Variants in WDR59 observed in about 807,000 individuals in gnomAD.
WDR59 encodes the protein GATOR2 complex protein WDR59.
A neutral mutation model predicts 131.2 loss-of-function variants in WDR59; 100 were observed. That is an observed-to-expected ratio of 0.76 (90% CI 0.65 to 0.90). The LOEUF (loss-of-function observed/expected upper bound fraction) is 0.90, where lower values mean the gene tolerates loss of function less well. Ranked by LOEUF, WDR59 falls within the 40% of genes least tolerant of loss-of-function variation. The pLI is 0.00. For synonymous variants in WDR59, 601 were observed against 466.2 expected (o/e 1.29, Z -3.72); for missense variants, 1,203 against 1,262.2 (o/e 0.95, Z 0.71).
At chr16:74,889,949 T>C in intron 20 of WDR59, 134 bp from the exon 21 acceptor site, 1 of 608,776 alleles carries the variant, frequency 1.6e-6, no homozygotes, top group Non-Finnish European at 2.8e-6. Flanking sequence ...GGATCCTTAT[T>C]GAAATGCATA....
At chr16:74,909,779 A>G in intron 15 of WDR59, 43 bp downstream of exon 15, 1 of 1,589,858 alleles carries the variant, frequency 6.3e-7, no homozygotes, top group Non-Finnish European at 8.5e-7. Flanking sequence ...AATGAAACAA[A>G]ACACCAAAGC....
At chr16:74,962,669 C>A (rs2033611255) in intron 2 of WDR59, among the ~76,000 whole-genome samples, 1 of 152,028 alleles carries the variant, frequency 6.6e-6, no homozygotes, top group Admixed American at 6.6e-5. Context: ...TGCTTATCAG[C>A]TTAAGAAGCT....
At chr16:74,949,550 C>A (rs2032870415) in intron 5 of WDR59, among the ~76,000 whole-genome samples, 168 bp downstream of exon 5, 1 of 151,922 alleles carries the variant, frequency 6.6e-6, no homozygotes, top group Non-Finnish European at 1.5e-5. Context: ...CTCTATCCCC[C>A]TACAACTGTG....
intron 17 of WDR59, chr16:74,904,462 G>C: frequency 5.5e-6 from 1 of 182,482 alleles, no homozygotes; most frequent in Non-Finnish European, 1.1e-5. Context: ...AAATACCTAG[G>C]AATAAATTTA....
chr16:74,912,707 T>C (rs1164152737), intron 13 of WDR59, among the ~76,000 whole-genome samples: 1 of 152,162 alleles, frequency 6.6e-6, no homozygotes, highest in East Asian at 1.9e-4. Flanking sequence ...GCTGAGAGCC[T>C]TGAACAAAGA....
chr16:74,895,512 C>T (rs779886663), intron 18 of WDR59, among the ~76,000 whole-genome samples: 12 of 152,182 alleles, frequency 7.9e-5, no homozygotes, highest in Non-Finnish European at 1.8e-4. Context: ...ATTCACCCAC[C>T]TTGGCCTCCC....
rs1158008354 is a variant in WDR59 at position 74,965,831 on chromosome 16, G to C, written c.55-9C>G. On this transcript the variant is annotated splice_polypyrimidine_tract_variant and intron_variant, in intron 1 of 25. Coordinates refer to ENST00000262144, the MANE Select transcript of WDR59 (RefSeq NM_030581.4). ...ACAGACATCGCAGTTGCCTGAGAGA[G>C]AGAACACAGAGTCAGTGCTGCCAGC... 1.9e-6 allele frequency: 3 copies of C among 1,613,962 alleles called. No individual in the cohort carries two copies. Among genetic ancestry groups the C allele is most frequent in the Admixed American group, 1.7e-5 (1 of 59,980 alleles).
chr16:74,974,972 C>T (rs766814325), intron 1 of WDR59, among the ~76,000 whole-genome samples: 2 of 152,170 alleles, frequency 1.3e-5, no homozygotes, highest in Non-Finnish European at 2.9e-5. Context: ...GTAATGACTG[C>T]AAATATGACT....
chr16:74,901,337 TCTCA>T (rs1270254229), intron 18 of WDR59, among the ~76,000 whole-genome samples: 1 of 151,918 alleles, frequency 6.6e-6, no homozygotes, highest in Non-Finnish European at 1.5e-5. Flanking sequence ...ATTCTGTTAC[TCTCA>T]CTCATTTAAA....
intron 13 of WDR59, among the ~76,000 whole-genome samples, chr16:74,912,615 A>T (rs1207103484): frequency 6.6e-6 from 1 of 152,254 alleles, no homozygotes; most frequent in Non-Finnish European, 1.5e-5. Flanking sequence ...ACCCTAAACC[A>T]GCAGTGCCAG....
At chr16:74,943,602 A>G (rs2032396777) in intron 6 of WDR59, among the ~76,000 whole-genome samples, 2 of 152,230 alleles carry the variant, frequency 1.3e-5, no homozygotes, top group South Asian at 4.1e-4. Flanking sequence ...TAAAAAATAA[A>G]TCATTAATCA....
At chr16:74,974,993 C>T (rs1476428494) in intron 1 of WDR59, among the ~76,000 whole-genome samples, 1 of 152,178 alleles carries the variant, frequency 6.6e-6, no homozygotes, top group Non-Finnish European at 1.5e-5. Flanking sequence ...GTGAAGCCTC[C>T]TTATAAGTCA....
chr16:74,908,899 C>T lies in WDR59; in HGVS notation c.1712+9G>A, dbSNP rs770226156. The T allele has an allele frequency of 1.9e-6, 3 of 1,613,660 alleles. No individual in the cohort carries two copies. Among genetic ancestry groups the T allele is most frequent in the South Asian group, 2.2e-5 (2 of 91,024 alleles). Reference sequence around the variant, plus strand: ...AACGTAGAGCGGCTTCTGCATCTCCCTGACTCACCTCGGAGTAGGCTCTGT... The same window carrying T: ...AACGTAGAGCGGCTTCTGCATCTCCTTGACTCACCTCGGAGTAGGCTCTGT... On this transcript the variant is annotated intron_variant, in intron 17 of 25. Transcript: ENST00000262144.
intron 1 of WDR59, among the ~76,000 whole-genome samples, chr16:74,971,570 T>A (rs2033986854): frequency 6.6e-6 from 1 of 151,516 alleles, no homozygotes; most frequent in Admixed American, 6.6e-5. Flanking sequence ...GTAGCTGGGA[T>A]TACAAGTACC....
rs574952112 is a variant in WDR59 at position 74,904,061 on chromosome 16, G to C, written c.1752C>G (p.Ile584Met). ...SALSAYHTGL[I>M]APMKIRTEAP... The stretch of plus-strand genomic sequence containing the variant: ...CCTCTGTGCGGATCTTCATGGGCGC[G>C]ATCAAGCCAGTGTGATAAGCAGACA... The change falls in exon 18 of 26, where the codon ATC becomes ATG. Residue 584 changes from isoleucine to methionine, a missense_variant. Physicochemically the swap from Ile to Met is conservative, Grantham distance 10. Coordinates refer to ENST00000262144, the MANE Select transcript of WDR59 (RefSeq NM_030581.4). 25 of 1,613,204 alleles carry C rather than the reference G, an allele frequency of 1.5e-5. No individual in the cohort carries two copies. The highest frequency in any genetic ancestry group is 2.1e-5 in the Non-Finnish European group (25 of 1,179,808).
chr16:74,874,861 G>C (rs1161486164), intron 25 of WDR59, among the ~76,000 whole-genome samples: 1 of 152,170 alleles, frequency 6.6e-6, no homozygotes, highest in Non-Finnish European at 1.5e-5. Context: ...AAAGTGCTGG[G>C]ATTATAGGCG....
In WDR59 at chr16:74,885,132, G is replaced by A. The variant is rs2144788965; in HGVS notation, c.2689+521C>T. On this transcript the variant is annotated intron_variant, in intron 25 of 25. Transcript: ENST00000262144. ...TCCCTCTCATCCGCGCTGGAGTACTGTATATCAACTACTTCTGTTGCAATA... is the reference window on the plus strand; with the variant it reads ...TCCCTCTCATCCGCGCTGGAGTACTATATATCAACTACTTCTGTTGCAATA... Among the ~76,000 whole-genome samples the A allele has an allele frequency of 2.0e-5, 3 of 152,272 alleles. No individual in the cohort carries two copies. The Middle Eastern group carries it at 0.01, about 518-fold the overall frequency.
chr16:74,906,425 G>C (rs1202162405), intron 17 of WDR59, among the ~76,000 whole-genome samples: 2 of 151,820 alleles, frequency 1.3e-5, no homozygotes, highest in Non-Finnish European at 2.9e-5. Context: ...CCAGTGCTCT[G>C]AAACATTGCT....
intron 1 of WDR59, among the ~76,000 whole-genome samples, chr16:74,980,319 C>T (rs1237204502): frequency 2.0e-5 from 3 of 151,220 alleles, no homozygotes; most frequent in Non-Finnish European, 2.9e-5. Flanking sequence ...AAGACTTTCA[C>T]ACTTCAGACT....
Sources: allele counts gnomAD v4.1 joint callset (sites outside exome capture counted in the v4.1 genomes callset), GRCh38; gene constraint gnomAD v4.1.1; transcripts MANE v1.5; gene names NCBI Gene and HGNC (gene_info 2026-07-23, HGNC 2026-07-21).